Variants in MCUB observed in about 807,000 individuals in gnomAD.
MCUB encodes mitochondrial calcium uniporter dominant negative subunit beta, also known as calcium uniporter regulatory subunit MCUb, mitochondrial.
Under a neutral mutation model 41.4 loss-of-function variants are expected in MCUB, and 46 were observed. The observed-to-expected ratio is 1.11, with a 90% CI of 0.88 to 1.42. MCUB has a LOEUF of 1.42. Ranked by LOEUF, MCUB falls within the 40% of genes most tolerant of loss-of-function variation. The probability of loss-of-function intolerance (pLI) is 0.00; values close to 1 mark genes in which losing one functional copy is unlikely to be tolerated. For missense variants in MCUB, 403 were observed against 404.9 expected, an observed-to-expected ratio of 1.00 and a Z score of 0.04; for synonymous variants, 148 against 148.2, an observed-to-expected ratio of 1.00 and a Z score of 0.01.
At chr4:109,685,114 C>T (rs1729807411) in intron 6 of MCUB, 137 bp from the exon 7 acceptor site, 1 of 578,486 alleles carries the variant, frequency 1.7e-6, no homozygotes, top group Non-Finnish European at 3.1e-6. Context: ...TATGCTTACT[C>T]TCATGGCCAT....
intron 4 of MCUB, among the ~76,000 whole-genome samples, chr4:109,680,787 T>C (rs1729697448): frequency 6.6e-6 from 1 of 152,210 alleles, no homozygotes; most frequent in Non-Finnish European, 1.5e-5. Flanking sequence ...ATGTCTCTCT[T>C]GTCTGCAGTT....
intron 1 of MCUB, among the ~76,000 whole-genome samples, chr4:109,632,094 A>G (rs1728485575): frequency 1.3e-5 from 2 of 152,226 alleles, no homozygotes; most frequent in African/African-American, 4.8e-5. Flanking sequence ...AAGGAGCACT[A>G]AGATCCAAAG....
Position 109,560,366 on chromosome 4 carries a change from G to A in MCUB, c.29G>A (p.Arg10His). ...CTCCAGAGGGGCCTCTGGCCGTGGC[G>A]CACGCGGCTGCTGCCGACCCCTGGC... MLQRGLWPW[R>H]TRLLPTPGTW... The change falls in exon 1 of 8, where the codon CGC becomes CAC. Residue 10 changes from arginine (R) to histidine (H), a missense_variant. Physicochemically the swap from Arg to His is conservative, Grantham distance 29 (BLOSUM62 0). Coordinates refer to ENST00000394650, the MANE Select transcript of MCUB (RefSeq NM_017918.5). The A allele has an allele frequency of 1.5e-6, 2 of 1,322,582 alleles. No individual in the cohort carries two copies. Among genetic ancestry groups the A allele is most frequent in the Non-Finnish European group, 9.6e-7 (1 of 1,036,774 alleles). The allele number at this position is 1,322,582 out of a possible 1,614,324, so 81.9% of individuals were successfully genotyped here. A position where few individuals can be genotyped will look rare whatever the true frequency, so the allele number is the denominator to read the frequency against.
At chr4:109,582,804 A>G (rs1272089279) in intron 1 of MCUB, among the ~76,000 whole-genome samples, 1 of 152,210 alleles carries the variant, frequency 6.6e-6, no homozygotes, top group Non-Finnish European at 1.5e-5. Flanking sequence ...CAGTTTTCCC[A>G]GACCATTTAT....
At chr4:109,626,719 AG>A (rs1361783128) in intron 1 of MCUB, among the ~76,000 whole-genome samples, 2 of 145,478 alleles carry the variant, frequency 1.4e-5, no homozygotes, top group African/African-American at 5.1e-5. Flanking sequence ...AGGCTGAGGC[AG>A]GAGTATCAGT....
At chr4:109,682,183 T>A (rs1237664969) in intron 4 of MCUB, among the ~76,000 whole-genome samples, 1 of 152,244 alleles carries the variant, frequency 6.6e-6, no homozygotes, top group Non-Finnish European at 1.5e-5. Context: ...CAGCTAGTTC[T>A]GTCTCTCACG....
At chr4:109,664,208 G>T (rs1398444319) in intron 3 of MCUB, 82 bp from the exon 4 acceptor site, 7 of 744,606 alleles carry the variant, frequency 9.4e-6, no homozygotes, top group Admixed American at 2.0e-5. Flanking sequence ...AAAGACCTGG[G>T]TTAGTAATTT....
chr4:109,604,384 T>A (rs1399904435), intron 1 of MCUB, among the ~76,000 whole-genome samples: 1 of 151,720 alleles, frequency 6.6e-6, no homozygotes, highest in African/African-American at 2.4e-5. Flanking sequence ...CAATAAATAC[T>A]AAAAAAATTT....
chr4:109,617,146 A>G (rs945662173), intron 1 of MCUB, among the ~76,000 whole-genome samples: 1 of 152,202 alleles, frequency 6.6e-6, no homozygotes, highest in Non-Finnish European at 1.5e-5. Context: ...ATGCAAATTA[A>G]TAGACCCAAT....
chr4:109,560,440 A>G lies in MCUB; in HGVS notation c.99+4A>G. The stretch of plus-strand genomic sequence containing the variant: ...GCCGCTGCCGCCTCCGCCCCAGGTA[A>G]GAGCGGGTGCCGGGCTGTGGGGGTT... On this transcript the variant is annotated splice_donor_region_variant and intron_variant, in intron 1 of 7. Transcript: ENST00000394650. 1.6e-6 allele frequency: 2 copies of G among 1,265,848 alleles called. No individual in the cohort carries two copies. The highest frequency in any genetic ancestry group is 2.0e-6 in the Non-Finnish European group (2 of 999,934). The allele number at this position is 1,265,848 out of a possible 1,614,324, so 78.4% of individuals were successfully genotyped here.
At chr4:109,629,946 C>G (rs1486671105) in intron 1 of MCUB, among the ~76,000 whole-genome samples, 1 of 152,174 alleles carries the variant, frequency 6.6e-6, no homozygotes, top group Non-Finnish European at 1.5e-5. Context: ...AAAGTCCCAA[C>G]CCTCTAATCC....
At chr4:109,631,389 A>G (rs1561233609) in intron 1 of MCUB, among the ~76,000 whole-genome samples, 1 of 152,174 alleles carries the variant, frequency 6.6e-6, no homozygotes, top group Non-Finnish European at 1.5e-5. Flanking sequence ...CCAACATCAG[A>G]TAACTAGATA....
intron 1 of MCUB, among the ~76,000 whole-genome samples, chr4:109,634,341 G>A (rs1056100667): frequency 5.9e-5 from 9 of 152,098 alleles, no homozygotes; most frequent in Admixed American, 2.6e-4. Flanking sequence ...AATTAGCTGG[G>A]CGTGGTGGCG....
chr4:109,623,942 T>C (rs2126136234), intron 1 of MCUB, among the ~76,000 whole-genome samples: 1 of 152,326 alleles, frequency 6.6e-6, no homozygotes, highest in African/African-American at 2.4e-5. Context: ...CTTGAATTCC[T>C]GGACTCAAAT....
chr4:109,642,163 A>G (rs530381118), intron 1 of MCUB, among the ~76,000 whole-genome samples: 1 of 152,326 alleles, frequency 6.6e-6, no homozygotes, highest in East Asian at 1.9e-4. Flanking sequence ...TTATCTTTTC[A>G]AGGGGATAGT....
In MCUB at chr4:109,597,843, C is replaced by T. The variant is rs1181444805; in HGVS notation, c.99+37407C>T. 2.3e-4 allele frequency among the ~76,000 whole-genome samples: 34 copies of T among 149,578 alleles called. 1 individual carries two copies. Among genetic ancestry groups the T allele is most frequent in the South Asian group, 1.1e-3 (5 of 4,668 alleles). On this transcript the variant is annotated intron_variant, in intron 1 of 7. Transcript: ENST00000394650. Reference sequence around the variant, plus strand: ...GGGGCTCCTCACTTCTCAGACGGGGCGGTTGCCAGGCAGAGGATCTCCTCA... The same window carrying T: ...GGGGCTCCTCACTTCTCAGACGGGGTGGTTGCCAGGCAGAGGATCTCCTCA...
intron 1 of MCUB, among the ~76,000 whole-genome samples, chr4:109,640,461 T>TACA (rs1334188861): frequency 2.0e-5 from 3 of 152,252 alleles, no homozygotes; most frequent in Admixed American, 6.5e-5. Context: ...GAAAATCTGT[T>TACA]GTTTAGTGTA....
At chr4:109,603,809 G>A (rs1727805277) in intron 1 of MCUB, among the ~76,000 whole-genome samples, 1 of 148,920 alleles carries the variant, frequency 6.7e-6, no homozygotes. Flanking sequence ...CTGGGAGGTG[G>A]GGGGCACCTC....
At chr4:109,659,945 A>G (rs1047179602) in intron 2 of MCUB, among the ~76,000 whole-genome samples, 1 of 152,226 alleles carries the variant, frequency 6.6e-6, no homozygotes, top group African/African-American at 2.4e-5. Flanking sequence ...GGCATGAGCC[A>G]CCATGCCGGC....
Sources: allele counts gnomAD v4.1 joint callset (sites outside exome capture counted in the v4.1 genomes callset), GRCh38; gene constraint gnomAD v4.1.1; transcripts MANE v1.5; gene names NCBI Gene and HGNC (gene_info 2026-07-23, HGNC 2026-07-21).